The following LMO7 variants were observed in gnomAD, a reference collection of about 807,000 sequenced individuals.
LMO7 encodes LIM domain only protein 7.
A neutral mutation model predicts 206.5 loss-of-function variants in LMO7; 120 were observed. The observed-to-expected ratio is 0.58, with a 90% confidence interval of 0.50 to 0.68. The LOEUF is 0.68. Among genes scored for constraint, LMO7 ranks in the 30% least tolerant of loss-of-function variants. LMO7 has a pLI of 0.00. For missense variants in LMO7, 1,959 were observed against 1,957.9 expected, an observed-to-expected ratio of 1.00 and a Z score of -0.01; for synonymous variants, 706 against 681.5, an observed-to-expected ratio of 1.04 and a Z score of -0.56.
intron 1 of LMO7, 114 bp downstream of exon 1, chr13:75,636,840 C>A: frequency 9.8e-7 from 1 of 1,025,160 alleles, no homozygotes; most frequent in Non-Finnish European, 1.5e-6. Flanking sequence ...GGCGACCCAG[C>A]CGACGTGAAC....
At chr13:75,672,115 T>C (rs1411123958) in intron 1 of LMO7, among the ~76,000 whole-genome samples, 1 of 152,032 alleles carries the variant, frequency 6.6e-6, no homozygotes, top group African/African-American at 2.4e-5. Context: ...TTATATAAGA[T>C]TGTTAAACCT....
At chr13:75,789,390 A>G (rs1006870086) in intron 4 of LMO7, among the ~76,000 whole-genome samples, 1 of 152,162 alleles carries the variant, frequency 6.6e-6, no homozygotes, top group Admixed American at 6.5e-5. Context: ...GTTGCAAATG[A>G]GAATGCTGGT....
At chr13:75,719,543 T>C (rs1207375556) in intron 2 of LMO7, among the ~76,000 whole-genome samples, 1 of 152,104 alleles carries the variant, frequency 6.6e-6, no homozygotes, top group Non-Finnish European at 1.5e-5. Flanking sequence ...GTTCTCATGA[T>C]AGTGAGTGAG....
intron 1 of LMO7, among the ~76,000 whole-genome samples, chr13:75,684,431 G>T (rs779554746): frequency 6.6e-6 from 1 of 151,774 alleles, no homozygotes; most frequent in Non-Finnish European, 1.5e-5. Context: ...TTTCAGTAGA[G>T]ACGCGGTTTC....
chr13:75,758,337 C>T (rs1290131653), intron 3 of LMO7, among the ~76,000 whole-genome samples: 3 of 152,016 alleles, frequency 2.0e-5, no homozygotes, highest in Non-Finnish European at 4.4e-5. Context: ...CCCTTAGGGA[C>T]CTCTTTGCCT....
At chr13:75,742,665 G>A (rs748657967) in intron 3 of LMO7, among the ~76,000 whole-genome samples, 1 of 152,210 alleles carries the variant, frequency 6.6e-6, no homozygotes, top group South Asian at 2.1e-4. Context: ...TAACTGGCTA[G>A]CCATATGCAG....
intron 4 of LMO7, among the ~76,000 whole-genome samples, chr13:75,772,669 A>G (rs1350512000): frequency 2.6e-5 from 4 of 152,166 alleles, no homozygotes; most frequent in African/African-American, 9.7e-5. Flanking sequence ...TGAAGACTAA[A>G]TGAAGGAATT....
At chr13:75,684,617 T>G (rs2040825366) in intron 1 of LMO7, among the ~76,000 whole-genome samples, 2 of 147,738 alleles carry the variant, frequency 1.4e-5, no homozygotes, top group South Asian at 2.2e-4. Flanking sequence ...GACATAGGAG[T>G]TGGCCAACCT....
At chr13:75,810,514 A>G (rs2056228753) in intron 11 of LMO7, among the ~76,000 whole-genome samples, 1 of 152,232 alleles carries the variant, frequency 6.6e-6, no homozygotes, top group Non-Finnish European at 1.5e-5. Flanking sequence ...TCCGTGTGCC[A>G]TGCAAAGGCA....
intron 15 of LMO7, among the ~76,000 whole-genome samples, chr13:75,829,700 GTTT>G (rs34119641): frequency 6.7e-6 from 1 of 150,056 alleles, no homozygotes; most frequent in Non-Finnish European, 1.5e-5. Flanking sequence ...TATTGGCCCT[GTTT>G]TTTTTTTTAA....
intron 7 of LMO7, among the ~76,000 whole-genome samples, chr13:75,803,785 A>G (rs2055081100): frequency 6.6e-6 from 1 of 151,666 alleles, no homozygotes; most frequent in Non-Finnish European, 1.5e-5. Flanking sequence ...ATTCTGGTTT[A>G]TAGAATCTAT....
chr13:75,670,001 T>G (rs1294820093), intron 1 of LMO7, among the ~76,000 whole-genome samples: 1 of 152,174 alleles, frequency 6.6e-6, no homozygotes, highest in Non-Finnish European at 1.5e-5. Flanking sequence ...CCTGGAGGGT[T>G]TGCAAGTTGC....
chr13:75,779,627 G>A (rs890604070), intron 4 of LMO7, among the ~76,000 whole-genome samples: 2 of 152,156 alleles, frequency 1.3e-5, no homozygotes, highest in African/African-American at 4.8e-5. Context: ...TATATGGAAG[G>A]CTAAATAGGA....
At chr13:75,738,213 C>G (rs1197041440) in intron 3 of LMO7, among the ~76,000 whole-genome samples, 3 of 152,200 alleles carry the variant, frequency 2.0e-5, no homozygotes, top group Non-Finnish European at 4.4e-5. Flanking sequence ...TTACGGTGTT[C>G]CACACCCCAT....
At chr13:75,850,488 A>G (rs548426039) in intron 27 of LMO7, among the ~76,000 whole-genome samples, 1 of 152,352 alleles carries the variant, frequency 6.6e-6, no homozygotes, top group South Asian at 2.1e-4. Context: ...AGAAAATCAC[A>G]ATGTCTGCTA....
chr13:75,795,281 G>A (rs1025335956), intron 4 of LMO7, 120 bp from the exon 5 acceptor site: 9 of 669,126 alleles, frequency 1.3e-5, no homozygotes, highest in African/African-American at 3.8e-5. Context: ...TAAGAGATTT[G>A]GACTTCCATG....
At chr13:75,769,318 CAG>C (rs1053764776) in intron 4 of LMO7, among the ~76,000 whole-genome samples, 8 of 151,898 alleles carry the variant, frequency 5.3e-5, no homozygotes, top group African/African-American at 1.7e-4. Flanking sequence ...CTTTGTTTTT[CAG>C]AGACATGCCT....
chr13:75,690,159 T>C (rs2041346219), intron 1 of LMO7, among the ~76,000 whole-genome samples: 2 of 151,964 alleles, frequency 1.3e-5, no homozygotes, highest in African/African-American at 4.8e-5. Flanking sequence ...AGTCTCCACC[T>C]CCTGGCCTCA....
Position 75,853,399 on chromosome 13 carries a change from T to G in LMO7, c.4661+11T>G. ...TCAGCTGCGTAACAGGTGAGGCCCT[T>G]GCTGTTTCTCTTTCTTCTCTTAGTC... is the stretch of plus-strand genomic sequence containing the variant. On this transcript the variant is annotated intron_variant, in intron 28 of 30. Coordinates refer to ENST00000377534, the MANE Select transcript of LMO7 (RefSeq NM_001306080.2). 6.4e-7 allele frequency: 1 copy of G among 1,551,106 alleles called. No individual in the cohort carries two copies. Among genetic ancestry groups the G allele is most frequent in the East Asian group, 2.3e-5 (1 of 43,530 alleles).
Sources: gnomAD v4.1 joint callset for allele counts (sites outside exome capture counted in the v4.1 genomes callset) on GRCh38, gnomAD v4.1.1 for gene constraint, MANE v1.5 for transcripts, NCBI Gene and HGNC (gene_info 2026-07-23, HGNC 2026-07-21) for gene names.